Variants in WDFY3 observed in about 807,000 individuals in gnomAD.
The protein encoded by WDFY3 is WD repeat and FYVE domain-containing protein 3.
A neutral mutation model predicts 409.6 loss-of-function variants in WDFY3; 66 were observed. That is an observed-to-expected ratio of 0.16 (90% CI 0.13 to 0.20). The LOEUF (loss-of-function observed/expected upper bound fraction) is 0.20, where lower values mean the gene tolerates loss of function less well. WDFY3 is among the 10% of genes least tolerant of loss of function. The pLI is 1.00. For synonymous variants in WDFY3, 1,521 were observed against 1,537.1 expected (o/e 0.99, Z 0.25); for missense variants, 3,031 against 4,298.1 (o/e 0.71, Z 8.24).
chr4:84,889,951 G>T (rs1158352968), intron 3 of WDFY3, among the ~76,000 whole-genome samples: 1 of 152,134 alleles, frequency 6.6e-6, no homozygotes, highest in Non-Finnish European at 1.5e-5. Flanking sequence ...GGTGGGGATT[G>T]CAGCTCAAGA....
chr4:84,946,957 C>T (rs375573907), intron 1 of WDFY3, among the ~76,000 whole-genome samples: 4 of 151,710 alleles, frequency 2.6e-5, no homozygotes, highest in East Asian at 2.0e-4. Context: ...CAGGCACCTG[C>T]CACCACGCCT....
At chr4:84,864,365 CAAAA>C (rs35016773) in intron 3 of WDFY3, among the ~76,000 whole-genome samples, 9 of 32,560 alleles carry the variant, frequency 2.8e-4, no homozygotes, top group African/African-American at 6.8e-4. Flanking sequence ...GACTCCATCT[CAAAA>C]AAAAAAAAAA....
At chr4:84,692,379 T>G (rs771780450) in intron 59 of WDFY3, among the ~76,000 whole-genome samples, 10 of 151,980 alleles carry the variant, frequency 6.6e-5, no homozygotes, top group Non-Finnish European at 1.5e-4. Context: ...AAGCGACAAC[T>G]TCAAGATTTT....
rs77710720 is a variant in WDFY3, at chr4:84,743,598, A to C, written c.6073+102T>G. 0.01 allele frequency: 8,452 copies of C among 837,670 alleles called. 462 individuals are homozygous for C. In the African/African-American group the frequency reaches 0.13, roughly 13 times the overall value. The allele number at this position is 837,670 out of a possible 1,614,324, so 51.9% of individuals were successfully genotyped here. On this transcript the variant is annotated intron_variant, in intron 37 of 67. Transcript: ENST00000295888. ...TAATGTTGAGTATGAGAAGCTAGAC[A>C]AAAAAGGAAAGAAAAAAGCTGATGT...
At chr4:84,960,872 A>G (rs1774824550) in intron 1 of WDFY3, among the ~76,000 whole-genome samples, 1 of 152,182 alleles carries the variant, frequency 6.6e-6, no homozygotes, top group African/African-American at 2.4e-5. Flanking sequence ...CTGAAAATTA[A>G]ATGTTGATAT....
rs573907488 is a variant in WDFY3, at chr4:84,767,072, G to A, written c.4850-700C>T. ...GATACTGTGTTTCTTACAAATTAAA[G>A]GGTTGTGGCAACCACACATACAGCA... is the stretch of plus-strand genomic sequence containing the variant. On this transcript the variant is annotated intron_variant, in intron 30 of 67. Transcript: ENST00000295888. Among the ~76,000 whole-genome samples the A allele has an allele frequency of 7.9e-5, 12 of 152,094 alleles. No homozygotes were observed. The South Asian group carries it at 2.5e-3, about 32-fold the overall frequency.
chr4:84,800,130 C>T (rs2149631490), intron 17 of WDFY3, among the ~76,000 whole-genome samples: 1 of 152,310 alleles, frequency 6.6e-6, no homozygotes, highest in Non-Finnish European at 1.5e-5. Context: ...TCTCACTCAT[C>T]TTGGCATTAT....
chr4:84,820,467 G>C (rs1753894929), intron 11 of WDFY3, among the ~76,000 whole-genome samples: 1 of 151,854 alleles, frequency 6.6e-6, no homozygotes, highest in Non-Finnish European at 1.5e-5. Flanking sequence ...CTTCACAGAG[G>C]GTTTTCCTAA....
intron 30 of WDFY3, among the ~76,000 whole-genome samples, chr4:84,770,262 T>C (rs1744432184): frequency 6.6e-6 from 1 of 152,164 alleles, no homozygotes; most frequent in Admixed American, 6.5e-5. Flanking sequence ...ACTCCTGACC[T>C]CATGATCCGC....
At chr4:84,808,954 T>G (rs1752006552) in intron 14 of WDFY3, 1 of 152,370 alleles carries the variant, frequency 6.6e-6, no homozygotes, top group South Asian at 2.1e-4. Flanking sequence ...TCTCAGTTGA[T>G]ACTTCAAAGC....
chr4:84,959,942 G>A (rs141039159), intron 1 of WDFY3, among the ~76,000 whole-genome samples: 226 of 152,216 alleles, frequency 1.5e-3, no homozygotes, highest in African/African-American at 5.0e-3. Context: ...CTATATTAAC[G>A]CTTCTTACAA....
At chr4:84,772,771 C>T (rs1744888737) in intron 30 of WDFY3, 64 bp downstream of exon 30, 3 of 1,325,082 alleles carry the variant, frequency 2.3e-6, no homozygotes. Flanking sequence ...TAATTTGGGC[C>T]AGAAGAAAAA....
intron 12 of WDFY3, among the ~76,000 whole-genome samples, chr4:84,819,037 A>C (rs953929489): frequency 6.6e-6 from 1 of 152,138 alleles, no homozygotes; most frequent in Non-Finnish European, 1.5e-5. Context: ...TATGCCATAG[A>C]CAAAATGTTA....
At chr4:84,849,661 T>C (rs1049516122) in intron 5 of WDFY3, 3 of 324,380 alleles carry the variant, frequency 9.2e-6, no homozygotes, top group Non-Finnish European at 1.7e-5. Flanking sequence ...AACAGAGTAT[T>C]TTAAAGGGTT....
chr4:84,942,590 CTGTT>C (rs1352336224), intron 1 of WDFY3, among the ~76,000 whole-genome samples: 3 of 152,186 alleles, frequency 2.0e-5, no homozygotes, highest in Admixed American at 6.5e-5. Context: ...CACTAGTTGA[CTGTT>C]TGCTAAAATG....
chr4:84,693,286 T>C (rs1267968045), intron 58 of WDFY3, among the ~76,000 whole-genome samples: 1 of 152,236 alleles, frequency 6.6e-6, no homozygotes, highest in African/African-American at 2.4e-5. Flanking sequence ...CTAAGCTGAA[T>C]TCACAATAAC....
intron 56 of WDFY3, among the ~76,000 whole-genome samples, chr4:84,701,717 G>C (rs1410349010): frequency 6.6e-6 from 1 of 152,126 alleles, no homozygotes; most frequent in Non-Finnish European, 1.5e-5. Context: ...CACTGATGGA[G>C]TTTTTCTTGT....
intron 58 of WDFY3, among the ~76,000 whole-genome samples, chr4:84,695,422 T>C (rs1050219027): frequency 6.6e-6 from 1 of 150,722 alleles, no homozygotes. Context: ...GCTTTCTTAG[T>C]GGTCTTCCGC....
chr4:84,923,852 A>G (rs1418398568), intron 2 of WDFY3, among the ~76,000 whole-genome samples: 4 of 152,162 alleles, frequency 2.6e-5, no homozygotes, highest in Admixed American at 6.5e-5. Flanking sequence ...TACAAAAATT[A>G]GCCAGTTGTG....
Sources: gnomAD v4.1 joint callset for allele counts (sites outside exome capture counted in the v4.1 genomes callset) on GRCh38, gnomAD v4.1.1 for gene constraint, MANE v1.5 for transcripts, NCBI Gene and HGNC (gene_info 2026-07-23, HGNC 2026-07-21) for gene names.